ADGRV1: variants seen among roughly 807,000 people sequenced by gnomAD.
The protein encoded by ADGRV1 is G-protein coupled receptor 98.
A neutral mutation model predicts 596.2 loss-of-function variants in ADGRV1; 359 were observed. The observed-to-expected ratio is 0.60, with a 90% CI of 0.55 to 0.66. The LOEUF is 0.66. Among genes scored for constraint, ADGRV1 ranks in the 30% least tolerant of loss-of-function variants. The pLI is 0.00. For synonymous variants in ADGRV1, 2,681 were observed against 2,679.2 expected (o/e 1.00, Z -0.02); for missense variants, 7,274 against 7,575.6 (o/e 0.96, Z 1.48).
chr5:90,754,039 G>T (rs1755559316), intron 54 of ADGRV1, among the ~76,000 whole-genome samples: 1 of 152,020 alleles, frequency 6.6e-6, no homozygotes, highest in Non-Finnish European at 1.5e-5. Context: ...TCTTTTAAAA[G>T]ATACATTATA....
At chr5:90,744,930 A>C in intron 50 of ADGRV1, 116 bp from the exon 51 acceptor site, 1 of 701,190 alleles carries the variant, frequency 1.4e-6, no homozygotes, top group Non-Finnish European at 2.5e-6. Context: ...TAGTTACCTC[A>C]GAAATCACAA....
intron 85 of ADGRV1, among the ~76,000 whole-genome samples, chr5:90,996,799 C>T (rs900741734): frequency 4.6e-5 from 7 of 152,152 alleles, no homozygotes; most frequent in African/African-American, 7.2e-5. Flanking sequence ...TGGGAGCCCA[C>T]GCCTAGTGTC....
At chr5:90,804,526 ATGTTTTTC>A (rs936231152) in intron 71 of ADGRV1, among the ~76,000 whole-genome samples, 3 of 152,172 alleles carry the variant, frequency 2.0e-5, no homozygotes, top group African/African-American at 7.2e-5. Context: ...GAACCCTCTC[ATGTTTTTC>A]TGTTATTCTT....
intron 83 of ADGRV1, among the ~76,000 whole-genome samples, chr5:90,894,667 T>A (rs1771130813): frequency 6.6e-6 from 1 of 152,196 alleles, no homozygotes; most frequent in Non-Finnish European, 1.5e-5. Flanking sequence ...TCCCTGAGTT[T>A]GACAGACACA....
chr5:91,013,261 G>A (rs747200695), intron 85 of ADGRV1, among the ~76,000 whole-genome samples: 10 of 151,784 alleles, frequency 6.6e-5, no homozygotes, highest in Admixed American at 2.0e-4. Flanking sequence ...TGATAGATCT[G>A]CTTTTAGCTC....
chr5:90,777,553 G>T (rs1758379088), intron 61 of ADGRV1, among the ~76,000 whole-genome samples: 1 of 152,054 alleles, frequency 6.6e-6, no homozygotes, highest in Admixed American at 6.6e-5. Flanking sequence ...TTATATGAAG[G>T]GTCTTCCAGT....
intron 64 of ADGRV1, chr5:90,781,081 A>G (rs1365286865): frequency 3.3e-6 from 1 of 306,814 alleles, no homozygotes; most frequent in African/African-American, 2.2e-5. Flanking sequence ...CACTAGGTCT[A>G]TTACTGTATA....
At chr5:90,661,328 A>G (rs1367607304) in intron 21 of ADGRV1, among the ~76,000 whole-genome samples, 1 of 152,188 alleles carries the variant, frequency 6.6e-6, no homozygotes, top group East Asian at 1.9e-4. Context: ...TTTATAAACT[A>G]TGGCTTAAGA....
intron 87 of ADGRV1, among the ~76,000 whole-genome samples, chr5:91,122,950 T>C (rs1377203127): frequency 6.6e-6 from 1 of 152,242 alleles, no homozygotes; most frequent in Non-Finnish European, 1.5e-5. Flanking sequence ...TCCTGCCTGT[T>C]TCTCCTACTC....
At chr5:90,622,175 G>A (rs1764171862) in intron 4 of ADGRV1, among the ~76,000 whole-genome samples, 1 of 152,166 alleles carries the variant, frequency 6.6e-6, no homozygotes, top group Admixed American at 6.5e-5. Context: ...TGACAAGCTG[G>A]CTGATGTGGA....
chr5:90,997,251 C>CGG (rs918176495), intron 85 of ADGRV1, among the ~76,000 whole-genome samples: 4 of 152,048 alleles, frequency 2.6e-5, no homozygotes, highest in African/African-American at 9.7e-5. Context: ...TGGGGCCTAG[C>CGG]GGGAGGTGAT....
intron 83 of ADGRV1, among the ~76,000 whole-genome samples, chr5:90,936,932 G>A (rs920672266): frequency 3.9e-5 from 6 of 151,954 alleles, no homozygotes; most frequent in African/African-American, 1.5e-4. Flanking sequence ...TAATATAATA[G>A]GTTGACAGGG....
chr5:90,920,626 A>G (rs920420778), intron 83 of ADGRV1, among the ~76,000 whole-genome samples: 5 of 152,188 alleles, frequency 3.3e-5, no homozygotes, highest in Non-Finnish European at 5.9e-5. Flanking sequence ...TATTAGATGA[A>G]TTAGAGCAGT....
At chr5:91,101,440 A>T (rs1207389622) in intron 86 of ADGRV1, among the ~76,000 whole-genome samples, 1 of 152,174 alleles carries the variant, frequency 6.6e-6, no homozygotes, top group Non-Finnish European at 1.5e-5. Flanking sequence ...CAGCTTGAAA[A>T]TGTGTTTATT....
At chr5:91,142,699 G>T (rs896007575) in intron 87 of ADGRV1, among the ~76,000 whole-genome samples, 3 of 152,116 alleles carry the variant, frequency 2.0e-5, no homozygotes, top group African/African-American at 4.8e-5. Flanking sequence ...AGAATCTCCT[G>T]TACTTATTTT....
chr5:91,043,994 G>A (rs1361066400), intron 85 of ADGRV1, among the ~76,000 whole-genome samples: 2 of 151,970 alleles, frequency 1.3e-5, no homozygotes, highest in Non-Finnish European at 2.9e-5. Context: ...GTATAAGACT[G>A]TATACTTGGA....
chr5:91,035,948 C>T (rs1784878408), intron 85 of ADGRV1, among the ~76,000 whole-genome samples: 1 of 144,846 alleles, frequency 6.9e-6, no homozygotes, highest in South Asian at 2.2e-4. Flanking sequence ...TCCTTACTTA[C>T]ACACAGAATC....
intron 48 of ADGRV1, among the ~76,000 whole-genome samples, chr5:90,726,110 T>G (rs1339815668): frequency 1.3e-5 from 2 of 152,354 alleles, no homozygotes; most frequent in Middle Eastern, 3.4e-3. Context: ...CAATTCCATT[T>G]TCAGCTAATT....
chr5:91,107,045 A>C (rs1791939738), intron 87 of ADGRV1, among the ~76,000 whole-genome samples: 1 of 152,152 alleles, frequency 6.6e-6, no homozygotes, highest in Non-Finnish European at 1.5e-5. Flanking sequence ...TGTGTAGCAG[A>C]ATTCCATGGG....
Sources: allele counts gnomAD v4.1 joint callset (sites outside exome capture counted in the v4.1 genomes callset), GRCh38; gene constraint gnomAD v4.1.1; transcripts MANE v1.5; gene names NCBI Gene and HGNC (gene_info 2026-07-23, HGNC 2026-07-21).